The following CHST3 variants were observed in gnomAD, a reference collection of about 807,000 sequenced individuals.
The protein encoded by CHST3 is carbohydrate sulfotransferase 3.
A neutral mutation model predicts 35.4 loss-of-function variants in CHST3; 20 were observed. That is an observed-to-expected ratio of 0.57 (90% CI 0.40 to 0.82). CHST3 has a LOEUF of 0.82. CHST3 is among the 40% of genes least tolerant of loss of function. CHST3 has a pLI of 0.00. For missense variants in CHST3, 693 were observed against 670.1 expected, an observed-to-expected ratio of 1.03 and a Z score of -0.38; for synonymous variants, 334 against 295.9, an observed-to-expected ratio of 1.13 and a Z score of -1.32.
chr10:71,998,471 C>T (rs1025609613), intron 1 of CHST3, among the ~76,000 whole-genome samples: 6 of 152,232 alleles, frequency 3.9e-5, no homozygotes, highest in Admixed American at 2.0e-4. Context: ...GCAGTGAAGC[C>T]GGGAGGTGTA....
chr10:72,010,337 C>T lies in CHST3; in HGVS notation c.*1866C>T, dbSNP rs1840096870. ...CTGCTTCTGGTTTCCTGGACAATTT[C>T]TCTGTCAGATACGGCCCATTGTAAA... On this transcript the variant is annotated 3_prime_UTR_variant, in exon 3 of 3. Coordinates refer to ENST00000373115, the MANE Select transcript of CHST3 (RefSeq NM_004273.5). The T allele has an allele frequency of 6.6e-6, 1 of 152,262 alleles. No individual in the cohort carries two copies. The highest frequency in any genetic ancestry group is 2.4e-5 in the African/African-American group (1 of 41,450). The allele number at this position is 152,262 out of a possible 1,614,324, so 9.4% of individuals were successfully genotyped here.
At position 72,007,927 on chromosome 10, in the gene CHST3, T is replaced by C; in HGVS notation, c.896T>C (p.Leu299Pro). ...DPRLDLRVIQ[L>P]VRDPRAVLAS... ...CGCCTGGACCTGCGCGTCATCCAGC[T>C]GGTGCGCGACCCCCGGGCCGTGCTG... Residue 299 changes from leucine (L) to proline (P), a missense_variant, in exon 3 of 3, where the codon CTG (leucine) becomes CCG (proline). Transcript: ENST00000373115. 1 of 1,554,040 alleles carries C rather than the reference T, an allele frequency of 6.4e-7. No homozygotes were observed. Among genetic ancestry groups the C allele is most frequent in the Non-Finnish European group, 8.7e-7 (1 of 1,149,046 alleles).
Position 72,008,211 on chromosome 10 carries a change from A to C in CHST3, c.1180A>C (p.Thr394Pro), listed in dbSNP as rs763951694. ...EMYRFAGIPL[T>P]PQVEDWIQKN... ...GTACCGCTTCGCCGGCATCCCCCTG[A>C]CCCCGCAGGTGGAAGACTGGATCCA... Residue 394 changes from threonine to proline, a missense_variant, in exon 3 of 3, where the codon ACC becomes CCC. Transcript: ENST00000373115. 5 of 1,553,456 alleles carry C rather than the reference A, an allele frequency of 3.2e-6. No individual in the cohort carries two copies. In the East Asian group the frequency reaches 1.2e-4, roughly 38 times the overall value.
Position 71,967,975 on chromosome 10 carries a change from A to ATTTTTTTTTT in CHST3, c.-108+3287_-108+3296dup, listed in dbSNP as rs61420934. The stretch of plus-strand genomic sequence containing the variant: ...AGGCGTGCACCACCATGCGTGGCTA[A>ATTTTTTTTTT]TTTTTTTTTTTTTTTGTATTTTAGT... On this transcript the variant is annotated intron_variant, in intron 1 of 2. Coordinates refer to ENST00000373115, the MANE Select transcript of CHST3 (RefSeq NM_004273.5). Among the ~76,000 whole-genome samples the ATTTTTTTTTT allele has an allele frequency of 4.7e-3, 666 of 141,920 alleles. 11 individuals carry two copies. Among genetic ancestry groups the ATTTTTTTTTT allele is most frequent in the East Asian group, 0.018 (87 of 4,744 alleles). 93.1% of individuals were successfully genotyped at this position (141,920 alleles called of 152,430 possible).
At chr10:71,966,689 C>T (rs906216881) in intron 1 of CHST3, among the ~76,000 whole-genome samples, 4 of 152,236 alleles carry the variant, frequency 2.6e-5, no homozygotes. Flanking sequence ...TATCACCTTT[C>T]CACCTTCATT....
chr10:71,989,464 T>G (rs1412747903), intron 1 of CHST3, among the ~76,000 whole-genome samples: 1 of 151,888 alleles, frequency 6.6e-6, no homozygotes, highest in Non-Finnish European at 1.5e-5. Flanking sequence ...AAAAAAAAAG[T>G]TGGAAACCTG....
chr10:72,002,184 G>C (rs577325984), intron 1 of CHST3, among the ~76,000 whole-genome samples: 11 of 152,308 alleles, frequency 7.2e-5, no homozygotes, highest in South Asian at 6.2e-4. Context: ...AGCCTGCCTG[G>C]GTTTCCTGTC....
intron 1 of CHST3, among the ~76,000 whole-genome samples, chr10:71,967,086 TC>T (rs1839638718): frequency 6.6e-6 from 1 of 152,180 alleles, no homozygotes; most frequent in South Asian, 2.1e-4. Flanking sequence ...CACCATAGCC[TC>T]GACCTCCTGG....
At chr10:71,980,376 T>G (rs1839788173) in intron 1 of CHST3, among the ~76,000 whole-genome samples, 1 of 152,140 alleles carries the variant, frequency 6.6e-6, no homozygotes, top group South Asian at 2.1e-4. Flanking sequence ...AAGAAACTCA[T>G]GCTTATCAAC....
chr10:71,965,566 G>C (rs1839624655), intron 1 of CHST3, among the ~76,000 whole-genome samples: 2 of 152,202 alleles, frequency 1.3e-5, no homozygotes, highest in Admixed American at 6.5e-5. Context: ...AGGCAGGCCT[G>C]ACGCCTTCAT....
In CHST3 at chr10:72,008,173, A is replaced by C; in HGVS notation, c.1142A>C (p.Lys381Thr). Residue 381 changes from lysine to threonine, a missense_variant, in exon 3 of 3, where the codon AAG becomes ACG. Transcript: ENST00000373115. The part of the protein sequence containing the change: ...YEDVARGPLQ[K>T]AREMYRFAGI... ...GACGTGGCACGCGGGCCGCTGCAGAAGGCCCGCGAGATGTACCGCTTCGCC... is the reference window on the plus strand; with the variant it reads ...GACGTGGCACGCGGGCCGCTGCAGACGGCCCGCGAGATGTACCGCTTCGCC... The C allele has an allele frequency of 6.5e-7, 1 of 1,549,100 alleles. No individual in the cohort carries two copies. The highest frequency in any genetic ancestry group is 8.7e-7 in the Non-Finnish European group (1 of 1,146,606).
intron 1 of CHST3, among the ~76,000 whole-genome samples, chr10:71,991,236 G>A (rs956203863): frequency 2.0e-5 from 3 of 152,316 alleles, no homozygotes; most frequent in Middle Eastern, 3.4e-3. Flanking sequence ...CTGGCCACTC[G>A]ATGAGCCTCA....
At chr10:71,988,084 G>T (rs1839865605) in intron 1 of CHST3, among the ~76,000 whole-genome samples, 1 of 152,196 alleles carries the variant, frequency 6.6e-6, no homozygotes, top group Admixed American at 6.5e-5. Flanking sequence ...ATACGTACAT[G>T]CACACATTTC....
intron 1 of CHST3, among the ~76,000 whole-genome samples, chr10:71,984,653 T>G (rs1839830645): frequency 6.6e-6 from 1 of 152,244 alleles, no homozygotes; most frequent in South Asian, 2.1e-4. Context: ...CAGCTCTGCC[T>G]TTAACTCAGG....
At position 72,007,715 on chromosome 10, in the gene CHST3, G is replaced by A. The variant is rs1487278343; in HGVS notation, c.684G>A (p.Leu228=). 4 of 1,606,082 alleles carry A rather than the reference G, an allele frequency of 2.5e-6. No homozygotes were observed. Among genetic ancestry groups the A allele is most frequent in the Non-Finnish European group, 3.4e-6 (4 of 1,179,714 alleles). The change falls in exon 3 of 3, where the codon CTG becomes CTA. Residue 228 remains leucine, a synonymous_variant. Transcript: ENST00000373115. ...TCCGCCGGGGCTCCAGCCGCTCCCT[G>A]TGCGAGGACCCCGTCTGTACGCCCT... ...FMFRRGSSRS[L]CEDPVCTPFV... is the part of the protein sequence containing the mutation.
At position 72,007,787 on chromosome 10, in the gene CHST3, C is replaced by T. The variant is rs1458407908; in HGVS notation, c.756C>T (p.Cys252=). 1.9e-6 allele frequency: 3 copies of T among 1,601,252 alleles called. No individual in the cohort carries two copies. Among genetic ancestry groups the T allele is most frequent in the Non-Finnish European group, 2.5e-6 (3 of 1,179,628 alleles). ...FEKYHCKNRR[C]GPLNVTLAAE... is the part of the protein sequence containing the mutation. ...AGTACCACTGCAAGAACCGCCGCTG[C>T]GGCCCCCTCAACGTGACGCTGGCCG... The change falls in exon 3 of 3, where the codon TGC becomes TGT. Residue 252 remains cysteine, a synonymous_variant. Coordinates refer to ENST00000373115, the MANE Select transcript of CHST3 (RefSeq NM_004273.5).
At position 72,008,090 on chromosome 10, in the gene CHST3, G is replaced by A. The variant is rs1331948993; in HGVS notation, c.1059G>A (p.Glu353=). Residue 353 remains glutamate (E), a synonymous_variant, in exon 3 of 3, where the codon GAG becomes GAA. Transcript: ENST00000373115. ...GNCESIRLSA[E]LGLRQPAWLR... Reference sequence around the variant, plus strand: ...GCGAGAGCATCCGCCTGTCCGCGGAGCTGGGGCTGCGGCAGCCCGCCTGGC... The same window carrying A: ...GCGAGAGCATCCGCCTGTCCGCGGAACTGGGGCTGCGGCAGCCCGCCTGGC... 1 of 1,545,374 alleles carries A rather than the reference G, an allele frequency of 6.5e-7. No homozygotes were observed. Among genetic ancestry groups the A allele is most frequent in the South Asian group, 1.2e-5 (1 of 83,736 alleles).
Position 72,013,488 on chromosome 10 carries a change from G to T in CHST3, c.*5017G>T. The T allele has an allele frequency of 6.6e-6, 1 of 152,208 alleles. No homozygotes were observed. Among genetic ancestry groups the T allele is most frequent in the East Asian group, 1.9e-4 (1 of 5,188 alleles). 9.4% of individuals were successfully genotyped at this position (152,208 alleles called of 1,614,324 possible). ...CAGTCAGGGCCTGCTTTGCAGAATA[G>T]AATGTGAACCCAACTCCTGATGGCC... On this transcript the variant is annotated 3_prime_UTR_variant, in exon 3 of 3. Transcript: ENST00000373115.
rs267606734 is a variant in CHST3, at chr10:72,008,145, G to A, written c.1114G>A (p.Glu372Lys). The part of the protein sequence containing the change: ...LRGRYMLVRY[E>K]DVARGPLQKA... ...GGGCCGCTACATGCTGGTGCGCTAC[G>A]AGGACGTGGCACGCGGGCCGCTGCA... The change falls in exon 3 of 3, where the codon GAG (glutamate) becomes AAG (lysine). Residue 372 changes from glutamate to lysine, a missense_variant. Transcript: ENST00000373115. The A allele has an allele frequency of 6.5e-7, 1 of 1,548,476 alleles. No individual in the cohort carries two copies. Among genetic ancestry groups the A allele is most frequent in the Non-Finnish European group, 8.7e-7 (1 of 1,146,414 alleles).
Sources: allele counts gnomAD v4.1 joint callset (sites outside exome capture counted in the v4.1 genomes callset), GRCh38; gene constraint gnomAD v4.1.1; transcripts MANE v1.5; gene names NCBI Gene and HGNC (gene_info 2026-07-23, HGNC 2026-07-21).